ECT2L: variants seen among roughly 807,000 people sequenced by gnomAD.
ECT2L encodes the protein epithelial cell-transforming sequence 2 oncogene-like.
A neutral mutation model predicts 122.8 loss-of-function variants in ECT2L; 126 were observed. That is an observed-to-expected ratio of 1.03 (90% confidence interval 0.89 to 1.19). The LOEUF is 1.19. Among genes scored for constraint, ECT2L ranks in the 50% most tolerant of loss-of-function variants. The probability of loss-of-function intolerance (pLI) is 0.00; values close to 1 mark genes in which losing one functional copy is unlikely to be tolerated. For synonymous variants in ECT2L, 385 were observed against 381.8 expected, an observed-to-expected ratio of 1.01 and a Z score of -0.10; for missense variants, 1,012 against 1,064.1, an observed-to-expected ratio of 0.95 and a Z score of 0.68.
rs75931473 is a variant in ECT2L, at chr6:138,810,448, C to G, written c.-243-2390C>G. 8.9e-3 allele frequency among the ~76,000 whole-genome samples: 1,356 copies of G among 152,228 alleles called. 61 individuals carry two copies. The East Asian group carries it at 0.1, about 11-fold the overall frequency. On this transcript the variant is annotated intron_variant, in intron 1 of 21. Coordinates refer to ENST00000541398, the MANE Select transcript of ECT2L (RefSeq NM_001077706.3). ...TAGGGTTTGGCTTTTTCTAAGGAAG[C>G]CTGATACGCTCAAAATATCTGCAGT...
intron 5 of ECT2L, among the ~76,000 whole-genome samples, chr6:138,838,801 C>T (rs969174807): frequency 1.3e-5 from 2 of 152,114 alleles, no homozygotes; most frequent in Non-Finnish European, 2.9e-5. Flanking sequence ...CTTTTTGAGA[C>T]GGAGTCTCGC....
intron 13 of ECT2L, among the ~76,000 whole-genome samples, chr6:138,870,513 G>T (rs968629151): frequency 6.6e-6 from 1 of 152,092 alleles, no homozygotes; most frequent in South Asian, 2.1e-4. Flanking sequence ...CATTTAAGCC[G>T]CTTAAAAGCA....
intron 10 of ECT2L, 34 bp downstream of exon 10, chr6:138,854,188 C>T: frequency 1.3e-6 from 2 of 1,570,250 alleles, no homozygotes; most frequent in South Asian, 1.2e-5. Context: ...GAGACAGTGG[C>T]CATGCCACTT....
At chr6:138,814,871 C>G (rs1416506262) in intron 4 of ECT2L, among the ~76,000 whole-genome samples, 1 of 152,162 alleles carries the variant, frequency 6.6e-6, no homozygotes, top group African/African-American at 2.4e-5. Context: ...GAATTTTTAA[C>G]ATTCTCTTAG....
At chr6:138,819,060 G>GT (rs1583553757) in intron 4 of ECT2L, among the ~76,000 whole-genome samples, 1 of 152,068 alleles carries the variant, frequency 6.6e-6, no homozygotes, top group East Asian at 1.9e-4. Context: ...TAAAACGACT[G>GT]TTTTCTAAAT....
chr6:138,880,082 G>A (rs1778592552), intron 14 of ECT2L, among the ~76,000 whole-genome samples: 1 of 152,224 alleles, frequency 6.6e-6, no homozygotes, highest in Non-Finnish European at 1.5e-5. Context: ...TCATACTGAA[G>A]TTAGATCCTT....
intron 20 of ECT2L, among the ~76,000 whole-genome samples, chr6:138,895,344 T>G (rs1246408154): frequency 6.6e-6 from 1 of 152,076 alleles, no homozygotes; most frequent in East Asian, 1.9e-4. Flanking sequence ...ATAGATTTAA[T>G]TACAATTACC....
chr6:138,881,169 C>G lies in ECT2L; in HGVS notation c.1878C>G (p.Asn626Lys), dbSNP rs1188373559. 1 of 1,613,292 alleles carries G rather than the reference C, an allele frequency of 6.2e-7. No homozygotes were observed. The highest frequency in any genetic ancestry group is 1.3e-5 in the African/African-American group (1 of 74,906). ...FCDILQILSL[N>K]RQFLDNLRDR... ...ACATTCTACAGATTTTAAGTCTCAA[C>G]AGGTAAACCCTGAATATGTATTTTT... The change falls in exon 15 of 22, where the codon AAC becomes AAG. Residue 626 changes from asparagine (N) to lysine (K), a missense_variant and splice_region_variant. Asn to Lys is a moderately conservative substitution (Grantham distance 94). Transcript: ENST00000541398.
chr6:138,889,091 C>A, intron 20 of ECT2L, 60 bp downstream of exon 20: 1 of 879,704 alleles, frequency 1.1e-6, no homozygotes, highest in Non-Finnish European at 1.7e-6. Flanking sequence ...GACTGTCTTA[C>A]TCATCCTGTA....
At chr6:138,837,964 G>A (rs141921861) in intron 4 of ECT2L, among the ~76,000 whole-genome samples, 2,948 of 151,228 alleles carry the variant, frequency 0.019, 91 homozygotes, top group African/African-American at 0.067. Context: ...GCAGTAGCAC[G>A]GTCTCGGCTC....
intron 13 of ECT2L, among the ~76,000 whole-genome samples, chr6:138,875,383 C>G (rs1396963669): frequency 6.6e-6 from 1 of 152,172 alleles, no homozygotes; most frequent in Non-Finnish European, 1.5e-5. Flanking sequence ...GTAAAAGGAG[C>G]CTTGGTTACA....
chr6:138,855,464 G>A (rs1279934296), intron 10 of ECT2L, among the ~76,000 whole-genome samples: 13 of 151,928 alleles, frequency 8.6e-5, no homozygotes, highest in Admixed American at 1.3e-4. Context: ...AGCCAAGATC[G>A]CACCACTACA....
intron 3 of ECT2L, 23 bp downstream of exon 3, chr6:138,813,363 G>C: frequency 6.4e-7 from 1 of 1,566,356 alleles, no homozygotes. Context: ...CTTTAAAACA[G>C]AACAAGTTTA....
intron 20 of ECT2L, among the ~76,000 whole-genome samples, chr6:138,896,238 A>G (rs73559451): frequency 0.088 from 13,356 of 151,818 alleles, 1,228 homozygotes; most frequent in African/African-American, 0.23. Context: ...GCCAAAGCTT[A>G]CTGATTTTTA....
Position 138,813,295 on chromosome 6 carries a change from A to AT in ECT2L, c.24dup (p.Ser9Ter). On this transcript the variant is annotated frameshift_variant, in exon 3 of 22. Coordinates refer to ENST00000541398, the MANE Select transcript of ECT2L (RefSeq NM_001077706.3). LOFTEE classifies it high-confidence loss of function. ...CAGAAATGGAGAGCTTCCACACCAGATTTAGTGCCTGGACACCTTTTAGCA... is the reference window on the plus strand; with the variant it reads ...CAGAAATGGAGAGCTTCCACACCAGATTTTAGTGCCTGGACACCTTTTAGCA... 6.2e-7 allele frequency: 1 copy of AT among 1,612,572 alleles called. No individual in the cohort carries two copies. The highest frequency in any genetic ancestry group is 8.5e-7 in the Non-Finnish European group (1 of 1,179,686).
intron 4 of ECT2L, among the ~76,000 whole-genome samples, chr6:138,837,135 A>G (rs1183662282): frequency 6.6e-6 from 1 of 152,146 alleles, no homozygotes; most frequent in Non-Finnish European, 1.5e-5. Context: ...TCTGTGTATC[A>G]TTCATTTATA....
rs186181182 is a variant in ECT2L at position 138,843,210 on chromosome 6, G to A, written c.574G>A (p.Glu192Lys). 1.2e-6 allele frequency: 2 copies of A among 1,608,580 alleles called. No homozygotes were observed. The highest frequency in any genetic ancestry group is 1.7e-6 in the Non-Finnish European group (2 of 1,177,168). Residue 192 changes from glutamate (E) to lysine (K), a missense_variant, in exon 6 of 22, where the codon GAG becomes AAG. Glu to Lys is a moderately conservative substitution (Grantham distance 56). Coordinates refer to ENST00000541398, the MANE Select transcript of ECT2L (RefSeq NM_001077706.3). ...REKCLRKRIW[E>K]KIALRKKELF... is the part of the protein sequence containing the mutation. ...AAAGTGCCTGAGGAAAAGAATTTGG[G>A]AGAAAATTGCACTACGTAAGAGTAA... is the stretch of plus-strand genomic sequence containing the variant.
chr6:138,842,864 G>C, intron 5 of ECT2L, 115 bp from the exon 6 acceptor site: 2 of 997,742 alleles, frequency 2.0e-6, no homozygotes, highest in Non-Finnish European at 1.4e-6. Context: ...AATTCTCAGA[G>C]ATTTTTGTAC....
chr6:138,876,399 T>G (rs991248461), intron 13 of ECT2L, 73 bp from the exon 14 acceptor site: 18 of 1,032,320 alleles, frequency 1.7e-5, no homozygotes, highest in Non-Finnish European at 2.4e-5. Flanking sequence ...GAGGGCCTCC[T>G]GCGGGCACAG....
Sources: allele counts gnomAD v4.1 joint callset (sites outside exome capture counted in the v4.1 genomes callset), GRCh38; gene constraint gnomAD v4.1.1; transcripts MANE v1.5; gene names NCBI Gene and HGNC (gene_info 2026-07-23, HGNC 2026-07-21).